HIP1: variants seen among roughly 807,000 people sequenced by gnomAD.
HIP1 encodes the protein huntingtin interacting protein 1.
HIP1 carries 65 observed loss-of-function variants against 147.6 expected under a neutral mutation model. The observed-to-expected ratio is 0.44, with a 90% CI of 0.36 to 0.54. The LOEUF is 0.54. HIP1 is among the 20% of genes least tolerant of loss of function. HIP1 has a pLI of 0.00. For synonymous variants in HIP1, 479 were observed against 504.0 expected, an observed-to-expected ratio of 0.95 and a Z score of 0.67; for missense variants, 1,061 against 1,299.6, an observed-to-expected ratio of 0.82 and a Z score of 2.82.
At chr7:75,678,049 T>C (rs1350076292) in intron 1 of HIP1, among the ~76,000 whole-genome samples, 1 of 152,130 alleles carries the variant, frequency 6.6e-6, no homozygotes, top group East Asian at 1.9e-4. Context: ...TGGCATCGTA[T>C]CATAGATTCA....
chr7:75,730,969 A>G (rs1170702449), intron 1 of HIP1, among the ~76,000 whole-genome samples: 1 of 151,168 alleles, frequency 6.6e-6, no homozygotes, highest in Non-Finnish European at 1.5e-5. Flanking sequence ...TCCTGGCCTC[A>G]AGTGATCCGC....
At chr7:75,653,720 C>T (rs1241958908) in intron 1 of HIP1, among the ~76,000 whole-genome samples, 2 of 151,982 alleles carry the variant, frequency 1.3e-5, no homozygotes, top group African/African-American at 4.8e-5. Context: ...ATTAGCCAGG[C>T]GTTGCGGTGG....
intron 22 of HIP1, among the ~76,000 whole-genome samples, 196 bp from the exon 23 acceptor site, chr7:75,549,197 C>T (rs184197518): frequency 8.1e-4 from 123 of 152,188 alleles, no homozygotes; most frequent in Non-Finnish European, 1.3e-3. Context: ...ACCTCATGCT[C>T]CTCCTCACTC....
intron 1 of HIP1, among the ~76,000 whole-genome samples, chr7:75,725,661 A>T (rs1554522271): frequency 6.6e-6 from 1 of 152,176 alleles, no homozygotes; most frequent in Non-Finnish European, 1.5e-5. Context: ...TGTTGAATGT[A>T]ACTAAAGTTT....
chr7:75,546,538 A>G (rs1348224229), intron 25 of HIP1, among the ~76,000 whole-genome samples: 1 of 152,238 alleles, frequency 6.6e-6, no homozygotes, highest in Non-Finnish European at 1.5e-5. Flanking sequence ...AGCAGAGTCT[A>G]TTTGTAAGGG....
At position 75,542,855 on chromosome 7, in the gene HIP1, C is replaced by G; in HGVS notation, c.2886G>C (p.Glu962Asp). ...STISGKSQIE[E>D]TDNMDFSSMT... is the part of the protein sequence containing the mutation. ...GGGTCCCTTTGGAAAGGCTACCTGT[C>G]TCTTCGATCTGTGATTTGCCGGAAA... Residue 962 changes from glutamate (E) to aspartate (D), a missense_variant, in exon 28 of 31, where the codon GAG becomes GAC. Around this residue, in one of 3 missense-constraint regions of HIP1, gnomAD observed 810 missense variants for 946.8 expected, o/e 0.86. Coordinates refer to ENST00000336926, the MANE Select transcript of HIP1 (RefSeq NM_005338.7). 6.2e-7 allele frequency: 1 copy of G among 1,614,090 alleles called. No homozygotes were observed. The highest frequency in any genetic ancestry group is 8.5e-7 in the Non-Finnish European group (1 of 1,179,998).
intron 29 of HIP1, 22 bp from the exon 30 acceptor site, chr7:75,539,453 A>C: frequency 6.4e-7 from 1 of 1,560,172 alleles, no homozygotes; most frequent in South Asian, 1.1e-5. Context: ...ATTAAGTGGG[A>C]TTTTCTCTTA....
intron 1 of HIP1, among the ~76,000 whole-genome samples, chr7:75,605,051 T>C (rs1554503634): frequency 2.0e-5 from 3 of 152,110 alleles, no homozygotes; most frequent in African/African-American, 4.8e-5. Context: ...GGAAGACTTC[T>C]TAAAGGGAAA....
intron 11 of HIP1, 48 bp from the exon 12 acceptor site, chr7:75,562,218 T>A: frequency 8.0e-7 from 1 of 1,244,594 alleles, no homozygotes; most frequent in Non-Finnish European, 1.2e-6. Context: ...AGCCAGAGAA[T>A]TCTGTGTGTG....
chr7:75,619,122 C>T (rs1797759770), intron 1 of HIP1, among the ~76,000 whole-genome samples: 1 of 152,142 alleles, frequency 6.6e-6, no homozygotes, highest in South Asian at 2.1e-4. Context: ...TTTGCTCCAC[C>T]CCCAAATTGG....
chr7:75,574,069 G>A (rs1376403735), intron 7 of HIP1, among the ~76,000 whole-genome samples, 168 bp from the exon 8 acceptor site: 3 of 152,266 alleles, frequency 2.0e-5, no homozygotes, highest in Non-Finnish European at 2.9e-5. Flanking sequence ...ATAGGTAAAC[G>A]TATCCCCATT....
chr7:75,586,716 G>A (rs1563222893), intron 5 of HIP1, 37 bp downstream of exon 5: 1 of 1,318,186 alleles, frequency 7.6e-7, no homozygotes, highest in South Asian at 1.2e-5. Context: ...GAGCAGGGGA[G>A]GCGGCGGTGG....
chr7:75,550,779 CTT>C (rs1291099124), intron 22 of HIP1, among the ~76,000 whole-genome samples: 1 of 152,048 alleles, frequency 6.6e-6, no homozygotes, highest in Non-Finnish European at 1.5e-5. Flanking sequence ...ATGTTTGAGT[CTT>C]TATATAAAAG....
At chr7:75,684,170 G>T (rs1188031850) in intron 1 of HIP1, among the ~76,000 whole-genome samples, 2 of 151,900 alleles carry the variant, frequency 1.3e-5, no homozygotes, top group Non-Finnish European at 2.9e-5. Flanking sequence ...AAAAAGGCTG[G>T]GCACGATGAC....
chr7:75,679,093 C>T (rs1368534844), intron 1 of HIP1, among the ~76,000 whole-genome samples: 2 of 124,722 alleles, frequency 1.6e-5, no homozygotes, highest in Non-Finnish European at 3.5e-5. Flanking sequence ...CACTCTCCTC[C>T]AGCTATGACC....
At chr7:75,703,700 C>T (rs1800907615) in intron 1 of HIP1, among the ~76,000 whole-genome samples, 1 of 152,010 alleles carries the variant, frequency 6.6e-6, no homozygotes, top group Non-Finnish European at 1.5e-5. Flanking sequence ...ACCAGAAGGC[C>T]ATACTATTCA....
chr7:75,551,999 C>A (rs1794803254), intron 22 of HIP1, among the ~76,000 whole-genome samples: 1 of 152,172 alleles, frequency 6.6e-6, no homozygotes, highest in Non-Finnish European at 1.5e-5. Context: ...AAGTGATTCT[C>A]CTGCCTCAGC....
intron 24 of HIP1, 73 bp from the exon 25 acceptor site, chr7:75,547,105 C>T (rs1794596900): frequency 1.6e-6 from 2 of 1,254,808 alleles, no homozygotes; most frequent in Admixed American, 2.0e-5. Context: ...TTCTCTTCCC[C>T]ACTCCTAGCC....
intron 1 of HIP1, among the ~76,000 whole-genome samples, chr7:75,670,630 G>T (rs1199356005): frequency 6.6e-6 from 1 of 151,840 alleles, no homozygotes; most frequent in African/African-American, 2.4e-5. Flanking sequence ...AATTTTTTGA[G>T]ACAGGGTCTT....
Sources: gnomAD v4.1 joint callset for allele counts (sites outside exome capture counted in the v4.1 genomes callset) on GRCh38, gnomAD v4.1.1 for gene constraint, gnomAD v4.1.1 regional missense constraint, MANE v1.5 for transcripts, NCBI Gene and HGNC (gene_info 2026-07-23, HGNC 2026-07-21) for gene names.